Variants in FHIT observed in about 807,000 individuals in gnomAD.
FHIT encodes the protein fragile histidine triad diadenosine triphosphatase, also known as bis(5'-adenosyl)-triphosphatase.
In FHIT, 19 loss-of-function variants were observed where a neutral mutation model predicts 17.9. The observed-to-expected ratio is 1.06, with a 90% CI of 0.74 to 1.56. The LOEUF (loss-of-function observed/expected upper bound fraction) is 1.56. FHIT is among the 40% of genes most tolerant of loss of function. FHIT has a pLI of 0.00. For synonymous variants in FHIT, 81 were observed against 69.7 expected (o/e 1.16, Z -0.81); for missense variants, 248 against 189.2 (o/e 1.31, Z -1.82).
chr3:60,441,757 A>ATATATATATATATTTATATATATATAAAT lies in FHIT; in HGVS notation c.103+95102_103+95103insATTTATATATATATAAATATATATATATA, dbSNP rs1336572305. ...ATATATATATATTTATATATATAAAAATATATATATATTTATATGTATAAA... is the reference window on the plus strand; with the variant it reads ...ATATATATATATTTATATATATAAAATATATATATATATTTATATATATATAAATATATATATATATTTATATGTATAAA... On this transcript the variant is annotated intron_variant, in intron 5 of 9. Coordinates refer to ENST00000492590, the MANE Select transcript of FHIT (RefSeq NM_002012.4). Among the ~76,000 whole-genome samples, 3 of 55,946 alleles carry ATATATATATATATTTATATATATATAAAT rather than the reference A, an allele frequency of 5.4e-5. 1 individual carries two copies. The South Asian group carries it at 3.4e-3, about 64-fold the overall frequency. 36.7% of individuals were successfully genotyped at this position (55,946 alleles called of 152,430 possible).
intron 5 of FHIT, among the ~76,000 whole-genome samples, chr3:60,456,961 C>T (rs1321739504): frequency 6.6e-6 from 1 of 152,122 alleles, no homozygotes. Flanking sequence ...ACATTCCATG[C>T]TCATGGGTAG....
At chr3:60,610,129 C>T (rs1238318629) in intron 4 of FHIT, among the ~76,000 whole-genome samples, 1 of 152,070 alleles carries the variant, frequency 6.6e-6, no homozygotes, top group Non-Finnish European at 1.5e-5. Context: ...CAAAATTATA[C>T]TCACTTCCAC....
intron 5 of FHIT, among the ~76,000 whole-genome samples, chr3:60,072,338 G>A (rs758008842): frequency 6.6e-5 from 10 of 152,106 alleles, no homozygotes; most frequent in Admixed American, 3.3e-4. Context: ...AGAACATCAC[G>A]CAAGGTGTCC....
chr3:60,200,469 T>C (rs764017811), intron 5 of FHIT, among the ~76,000 whole-genome samples: 2 of 152,146 alleles, frequency 1.3e-5, no homozygotes, highest in Non-Finnish European at 2.9e-5. Context: ...CATTTTCCTA[T>C]ACATGACCAA....
At chr3:60,995,095 C>A (rs919524042) in intron 3 of FHIT, among the ~76,000 whole-genome samples, 1 of 151,976 alleles carries the variant, frequency 6.6e-6, no homozygotes, top group Non-Finnish European at 1.5e-5. Flanking sequence ...CCGAGGCGGG[C>A]GGATCACGAG....
At chr3:59,960,564 T>G (rs1293004050) in intron 7 of FHIT, among the ~76,000 whole-genome samples, 3 of 144,030 alleles carry the variant, frequency 2.1e-5, no homozygotes, top group African/African-American at 7.7e-5. Context: ...GTGGAGACAT[T>G]ATCTTGACAG....
intron 5 of FHIT, among the ~76,000 whole-genome samples, chr3:60,368,009 C>T (rs1700177251): frequency 6.6e-6 from 1 of 151,982 alleles, no homozygotes; most frequent in African/African-American, 2.4e-5. Flanking sequence ...TCTTTTATTC[C>T]ATGAAATGAA....
At chr3:60,261,158 A>G (rs1382756761) in intron 5 of FHIT, among the ~76,000 whole-genome samples, 1 of 152,048 alleles carries the variant, frequency 6.6e-6, no homozygotes, top group East Asian at 1.9e-4. Flanking sequence ...TTTTGGAATA[A>G]AAAAAGTACT....
intron 4 of FHIT, among the ~76,000 whole-genome samples, chr3:60,784,551 A>C (rs1368990378): frequency 1.3e-5 from 2 of 151,972 alleles, no homozygotes; most frequent in Admixed American, 6.6e-5. Context: ...GGCCAGGCTG[A>C]TCTTGAATGC....
intron 8 of FHIT, among the ~76,000 whole-genome samples, chr3:59,829,084 T>A (rs911128103): frequency 6.6e-6 from 1 of 152,202 alleles, no homozygotes; most frequent in Non-Finnish European, 1.5e-5. Flanking sequence ...ATGGTACACA[T>A]TGGGTACCAA....
chr3:60,047,524 G>A (rs367969237), intron 5 of FHIT, among the ~76,000 whole-genome samples: 3 of 152,168 alleles, frequency 2.0e-5, no homozygotes, highest in South Asian at 4.1e-4. Context: ...AGTCTTTAAC[G>A]TCTTATCTTT....
intron 8 of FHIT, among the ~76,000 whole-genome samples, chr3:59,845,685 G>C (rs1460749473): frequency 6.6e-6 from 1 of 152,064 alleles, no homozygotes; most frequent in African/African-American, 2.4e-5. Flanking sequence ...GACTTCATTT[G>C]TGGCCTTGCA....
At chr3:60,286,339 CATAAT>C (rs1438598586) in intron 5 of FHIT, among the ~76,000 whole-genome samples, 1 of 152,160 alleles carries the variant, frequency 6.6e-6, no homozygotes, top group Non-Finnish European at 1.5e-5. Flanking sequence ...GCCCTATGTA[CATAAT>C]ATGAGTTGCA....
chr3:61,032,051 A>G (rs901769553), intron 3 of FHIT, among the ~76,000 whole-genome samples: 1 of 152,240 alleles, frequency 6.6e-6, no homozygotes, highest in African/African-American at 2.4e-5. Flanking sequence ...ACATAAGAGG[A>G]GATTTTAGCA....
chr3:60,249,233 T>C (rs1405335100), intron 5 of FHIT, among the ~76,000 whole-genome samples: 1 of 152,138 alleles, frequency 6.6e-6, no homozygotes, highest in African/African-American at 2.4e-5. Context: ...TTCTTGAAAC[T>C]TTCCGTATGT....
intron 4 of FHIT, among the ~76,000 whole-genome samples, chr3:60,543,763 C>T (rs915734183): frequency 6.7e-6 from 1 of 149,588 alleles, no homozygotes; most frequent in African/African-American, 2.6e-5. Context: ...GTTTTGTTTT[C>T]AGACAGAGTT....
chr3:60,442,592 G>T (rs539841077), intron 5 of FHIT, among the ~76,000 whole-genome samples: 2 of 152,062 alleles, frequency 1.3e-5, no homozygotes, highest in East Asian at 3.9e-4. Context: ...TAGATGTGTG[G>T]TATTATTTCT....
chr3:60,799,812 A>G (rs1182023048), intron 4 of FHIT, among the ~76,000 whole-genome samples: 5 of 152,166 alleles, frequency 3.3e-5, no homozygotes, highest in Non-Finnish European at 7.3e-5. Flanking sequence ...CTTCACAGCC[A>G]TAGGAAGAAA....
rs59887101 is a variant in FHIT at position 60,418,370 on chromosome 3, A to ATGTG, written c.103+118486_103+118489dup. On this transcript the variant is annotated intron_variant, in intron 5 of 9. Transcript: ENST00000492590. ...TACAAACCTATATATATGTATCTGA[A>ATGTG]TGTGTGTATATATATATATATATAT... Among the ~76,000 whole-genome samples the ATGTG allele has an allele frequency of 2.1e-3, 227 of 108,952 alleles. 7 individuals are homozygous for ATGTG. Among genetic ancestry groups the ATGTG allele is most frequent in the African/African-American group, 3.3e-3 (83 of 25,136 alleles). The allele number at this position is 108,952 out of a possible 152,430, so 71.5% of individuals were successfully genotyped here.
Sources: gnomAD v4.1 joint callset for allele counts (sites outside exome capture counted in the v4.1 genomes callset) on GRCh38, gnomAD v4.1.1 for gene constraint, MANE v1.5 for transcripts, NCBI Gene and HGNC (gene_info 2026-07-23, HGNC 2026-07-21) for gene names.